NDUFB5: variants seen among roughly 807,000 people sequenced by gnomAD.
NDUFB5 encodes the protein NADH:ubiquinone oxidoreductase subunit B5.
In NDUFB5, 19 loss-of-function variants were observed where a neutral mutation model predicts 19.4. That is an observed-to-expected ratio of 0.98 (90% CI 0.68 to 1.43). The LOEUF (loss-of-function observed/expected upper bound fraction) is 1.43. NDUFB5 is among the 40% of genes most tolerant of loss of function. NDUFB5 has a pLI of 0.00. For synonymous variants in NDUFB5, 80 were observed against 82.6 expected, an observed-to-expected ratio of 0.97 and a Z score of 0.17; for missense variants, 233 against 236.5, an observed-to-expected ratio of 0.99 and a Z score of 0.10.
At chr3:179,620,901 GT>G (rs1426165037) in intron 5 of NDUFB5, among the ~76,000 whole-genome samples, 1 of 152,102 alleles carries the variant, frequency 6.6e-6, no homozygotes, top group East Asian at 1.9e-4. Context: ...TGCACCAGTT[GT>G]TTCTTCATCA....
chr3:179,626,070 T>G lies in NDUFB5; in HGVS notation c.*2030T>G, dbSNP rs149046279. ...TACCAATGGTGGATGAGCGTTCCCC[T>G]TTCTCCACATCCTCACAAGCATTTG... On this transcript the variant is annotated 3_prime_UTR_variant, in exon 6 of 6. Transcript: ENST00000259037. 1 of 152,332 alleles carries G rather than the reference T, an allele frequency of 6.6e-6. No homozygotes were observed. The highest frequency in any genetic ancestry group is 1.5e-5 in the Non-Finnish European group (1 of 68,032). 9.4% of individuals were successfully genotyped at this position (152,332 alleles called of 1,614,324 possible). A position where few individuals can be genotyped will look rare whatever the true frequency, so the allele number is the denominator to read the frequency against.
At chr3:179,606,662 A>C (rs1200941927) in intron 1 of NDUFB5, among the ~76,000 whole-genome samples, 1 of 152,322 alleles carries the variant, frequency 6.6e-6, no homozygotes. Flanking sequence ...AAGGGTTTAA[A>C]GTATTAATTT....
intron 1 of NDUFB5, among the ~76,000 whole-genome samples, chr3:179,612,475 C>CTTT (rs760879075): frequency 1.5e-4 from 19 of 122,826 alleles, no homozygotes; most frequent in Admixed American, 3.4e-4. Context: ...TGCATTAAAC[C>CTTT]TTTTTTTTTT....
chr3:179,608,058 T>C (rs993991291), intron 1 of NDUFB5, among the ~76,000 whole-genome samples: 4 of 152,198 alleles, frequency 2.6e-5, no homozygotes, highest in Admixed American at 2.6e-4. Context: ...TAGAGTGCAG[T>C]GGCACCATCT....
chr3:179,618,511 G>A lies in NDUFB5; in HGVS notation c.439G>A (p.Ala147Thr). The A allele has an allele frequency of 6.2e-7, 1 of 1,610,196 alleles. No homozygotes were observed. Among genetic ancestry groups the A allele is most frequent in the Non-Finnish European group, 8.5e-7 (1 of 1,178,016 alleles). ...MAVLQIEAEK[A>T]ELRVKELEVR... Reference sequence around the variant, plus strand: ...CGTCCTTCAGATTGAAGCTGAAAAGGCTGAATTACGGTAGGAAAAACGAGG... The same window carrying A: ...CGTCCTTCAGATTGAAGCTGAAAAGACTGAATTACGGTAGGAAAAACGAGG... Residue 147 changes from alanine to threonine, a missense_variant, in exon 5 of 6, where the codon GCT becomes ACT. Transcript: ENST00000259037.
At chr3:179,607,802 C>G (rs1228735858) in intron 1 of NDUFB5, 15 of 702,642 alleles carry the variant, frequency 2.1e-5, no homozygotes, top group South Asian at 1.8e-4. Context: ...TTTGACTACT[C>G]TATTTCTCAT....
chr3:179,619,024 A>T (rs1206423546), intron 5 of NDUFB5, among the ~76,000 whole-genome samples: 6 of 152,158 alleles, frequency 3.9e-5, no homozygotes, highest in Admixed American at 3.3e-4. Flanking sequence ...TGGGAAGCAG[A>T]TGGATGGGTA....
At position 179,626,026 on chromosome 3, in the gene NDUFB5, TTGTACTAC is replaced by T. The variant is rs1433390025; in HGVS notation, c.*1992_*1999del. 1 of 152,242 alleles carries T rather than the reference TTGTACTAC, an allele frequency of 6.6e-6. No individual in the cohort carries two copies. The highest frequency in any genetic ancestry group is 1.5e-5 in the Non-Finnish European group (1 of 68,040). The allele number at this position is 152,242 out of a possible 1,614,324, so 9.4% of individuals were successfully genotyped here. The stretch of plus-strand genomic sequence containing the variant: ...ACCTTCATGGTGTTCTTCATAGTGG[TTGTACTAC>T]TGTACATTCCTACCAATGGTGGATG... On this transcript the variant is annotated 3_prime_UTR_variant, in exon 6 of 6. Coordinates refer to ENST00000259037, the MANE Select transcript of NDUFB5 (RefSeq NM_002492.4).
intron 1 of NDUFB5, among the ~76,000 whole-genome samples, chr3:179,613,304 C>T (rs1719295136): frequency 1.3e-5 from 2 of 152,112 alleles, no homozygotes; most frequent in African/African-American, 4.8e-5. Flanking sequence ...CTCTAACTTC[C>T]TCTTTCTCTC....
intron 1 of NDUFB5, among the ~76,000 whole-genome samples, chr3:179,608,814 T>C (rs1052318077): frequency 5.3e-5 from 8 of 152,134 alleles, no homozygotes; most frequent in Admixed American, 5.2e-4. Context: ...AGTCAACTTG[T>C]TTGTGGAGGC....
At chr3:179,621,496 C>CTT (rs35414472) in intron 5 of NDUFB5, among the ~76,000 whole-genome samples, 11,518 of 130,482 alleles carry the variant, frequency 0.088, 561 homozygotes, top group South Asian at 0.17. Flanking sequence ...TTTTCTTTTT[C>CTT]TTTTTTTTTT....
rs930823857 is a variant in NDUFB5, at chr3:179,615,991, C to A, written c.222C>A (p.Tyr74Ter). ...DRRFLKLLRF[Y>*]IALTGIPVAI... ...TTTTTTTTTTATCTTAGAGATTCTA[C>A]ATTGCATTGACTGGGATTCCAGTAG... Residue 74 changes from tyrosine (Y) to a stop codon, truncating the protein, a stop_gained, in exon 3 of 6, where the codon TAC (tyrosine) becomes TAA (stop). Coordinates refer to ENST00000259037, the MANE Select transcript of NDUFB5 (RefSeq NM_002492.4). LOFTEE classifies it high-confidence loss of function. 5 of 1,610,932 alleles carry A rather than the reference C, an allele frequency of 3.1e-6. No individual in the cohort carries two copies. In the African/African-American group the frequency reaches 6.7e-5, roughly 22 times the overall value.
chr3:179,610,254 G>A (rs1477537579), intron 1 of NDUFB5, among the ~76,000 whole-genome samples: 1 of 151,914 alleles, frequency 6.6e-6, no homozygotes, highest in Non-Finnish European at 1.5e-5. Flanking sequence ...CACCACACCC[G>A]GCTAATTTTT....
chr3:179,610,124 G>T (rs1236985078), intron 1 of NDUFB5, among the ~76,000 whole-genome samples: 1 of 151,996 alleles, frequency 6.6e-6, no homozygotes, highest in Non-Finnish European at 1.5e-5. Context: ...ACAGGATCTT[G>T]CTCTGTCACC....
At chr3:179,614,830 C>T (rs757211644) in intron 1 of NDUFB5, 141 bp from the exon 2 acceptor site, 82 of 504,018 alleles carry the variant, frequency 1.6e-4, no homozygotes, top group Non-Finnish European at 2.6e-4. Flanking sequence ...GCACATCTCA[C>T]ACCTGAGTGT....
chr3:179,619,647 C>CA (rs1276332068), intron 5 of NDUFB5, among the ~76,000 whole-genome samples: 2 of 152,128 alleles, frequency 1.3e-5, no homozygotes, highest in Non-Finnish European at 2.9e-5. Context: ...TGAATAGTGC[C>CA]ACAGTAAACA....
chr3:179,609,705 TC>T (rs1160801205), intron 1 of NDUFB5, among the ~76,000 whole-genome samples: 3 of 152,336 alleles, frequency 2.0e-5, no homozygotes, highest in Admixed American at 2.0e-4. Context: ...CATTTTACAT[TC>T]CTTTGTTTAC....
Position 179,604,826 on chromosome 3 carries a change from T to C in NDUFB5, c.11T>C (p.Met4Thr). ...CTGCCCGTAGTAGCCATGGCGGCCA[T>C]GAGTTTGTTGCGGCGGGTTTCGGTT... The part of the protein sequence containing the change: MAA[M>T]SLLRRVSVTA... Residue 4 changes from methionine to threonine, a missense_variant, in exon 1 of 6, where the codon ATG becomes ACG. By Grantham distance (81) the Met-to-Thr change is moderately conservative. Transcript: ENST00000259037. 6.2e-7 allele frequency: 1 copy of C among 1,606,330 alleles called. No individual in the cohort carries two copies. The highest frequency in any genetic ancestry group is 2.2e-5 in the East Asian group (1 of 44,804).
At chr3:179,623,880 A>T in intron 5 of NDUFB5, 40 bp from the exon 6 acceptor site, 1 of 1,610,394 alleles carries the variant, frequency 6.2e-7, no homozygotes, top group Non-Finnish European at 8.5e-7. Flanking sequence ...TTATAATTGG[A>T]AGTGCTGGAA....
Sources: allele counts gnomAD v4.1 joint callset (sites outside exome capture counted in the v4.1 genomes callset), GRCh38; gene constraint gnomAD v4.1.1; transcripts MANE v1.5; gene names NCBI Gene and HGNC (gene_info 2026-07-23, HGNC 2026-07-21).